The following PWWP2A variants were observed in gnomAD, a reference collection of about 807,000 sequenced individuals.
PWWP2A encodes the protein PWWP domain-containing protein 2A.
PWWP2A carries 18 observed loss-of-function variants against 48.5 expected under a neutral mutation model. The observed-to-expected ratio is 0.37, with a 90% CI of 0.26 to 0.55. The LOEUF (loss-of-function observed/expected upper bound fraction) is 0.55. PWWP2A is among the 20% of genes least tolerant of loss of function. PWWP2A has a pLI of 0.81. For synonymous variants in PWWP2A, 396 were observed against 387.7 expected (o/e 1.02, Z -0.25); for missense variants, 867 against 976.4 (o/e 0.89, Z 1.49).
intron 2 of PWWP2A, among the ~76,000 whole-genome samples, chr5:160,069,334 G>C (rs1017222991): frequency 4.6e-5 from 7 of 152,154 alleles, no homozygotes; most frequent in African/African-American, 1.7e-4. Flanking sequence ...AAAGAATGCA[G>C]TGGGAGACAG....
the PWWP2A span, among the ~76,000 whole-genome samples, chr5:160,049,859 C>T: frequency 6.6e-6 from 1 of 152,022 alleles, no homozygotes. Flanking sequence ...GGAGAGATCA[C>T]TTGAGGCCAG....
At chr5:160,058,622 AG>A (rs1757612392), downstream of PWWP2A, among the ~76,000 whole-genome samples, 1 of 151,946 alleles carries the variant, frequency 6.6e-6, no homozygotes, top group Non-Finnish European at 1.5e-5. Context: ...CGTGGTAGCC[AG>A]GATGGTCTTG....
intron 1 of PWWP2A, among the ~76,000 whole-genome samples, chr5:160,117,651 C>T (rs1294571694): frequency 6.8e-6 from 1 of 147,498 alleles, no homozygotes; most frequent in Admixed American, 6.8e-5. Flanking sequence ...AGTGAGACTC[C>T]GTCTCAAAAA....
In PWWP2A at chr5:160,066,317, A is replaced by AG. The variant is rs951453189; in HGVS notation, c.*236+230dup. ...TCTCATTTTTTTTTTTTTTTTTTTG[A>AG]GGGGGGTCTCGCTCTGTCACCCAGG... On this transcript the variant is annotated intron_variant and NMD_transcript_variant, in intron 4 of 5. Transcript: ENST00000524050. Among the ~76,000 whole-genome samples the AG allele has an allele frequency of 4.0e-4, 14 of 34,706 alleles. No homozygotes were observed. In the South Asian group the frequency reaches 5.3e-3, roughly 13 times the overall value. The allele number at this position is 34,706 out of a possible 152,430, so 22.8% of individuals were successfully genotyped here. A position where few individuals can be genotyped will look rare whatever the true frequency, so the allele number is the denominator to read the frequency against.
chr5:160,067,406 G>C (rs1358996190), intron 2 of PWWP2A, among the ~76,000 whole-genome samples: 3 of 152,144 alleles, frequency 2.0e-5, no homozygotes, highest in Non-Finnish European at 4.4e-5. Context: ...ATCGTGCCTT[G>C]AGCTCAATGG....
intron 2 of PWWP2A, among the ~76,000 whole-genome samples, chr5:160,070,127 T>C (rs1370282271): frequency 1.3e-5 from 2 of 152,202 alleles, no homozygotes; most frequent in African/African-American, 2.4e-5. Context: ...ATTTTACTCA[T>C]GGATCCATGC....
rs748162896 is a variant in PWWP2A, at chr5:160,092,976, C to G, written c.1674G>C (p.Lys558Asn). 1.9e-6 allele frequency: 3 copies of G among 1,558,472 alleles called. No homozygotes were observed. In the African/African-American group the frequency reaches 4.1e-5, roughly 21 times the overall value. ...DQDEPQTLGKKGSKNNISVYM... is the reference protein window; with the variant it reads ...DQDEPQTLGKNGSKNNISVYM... ...AAACAGAGATATTGTTTTTGCTGCC[C>G]TTTTTGCCCAATGTCTGTGGTTCAT... The change falls in exon 2 of 2, where the codon AAG becomes AAC. Residue 558 changes from lysine to asparagine, a missense_variant. By Grantham distance (94) the Lys-to-Asn change is moderately conservative. Coordinates refer to ENST00000307063, the MANE Select transcript of PWWP2A (RefSeq NM_001130864.2).
intron 4 of PWWP2A, chr5:160,066,486 C>G (rs1240366423): frequency 6.6e-6 from 1 of 151,606 alleles, no homozygotes; most frequent in African/African-American, 2.4e-5. Context: ...TTAGTAGAGA[C>G]AGAGTTTCAC....
At chr5:160,064,833 C>A (rs1171660550) in intron 4 of PWWP2A, 1 of 1,306,158 alleles carries the variant, frequency 7.7e-7, no homozygotes, top group Non-Finnish European at 1.1e-6. Flanking sequence ...CAAAGAGATA[C>A]TTTTATATTT....
At chr5:160,105,390 T>G (rs1756776654) in intron 1 of PWWP2A, among the ~76,000 whole-genome samples, 1 of 150,904 alleles carries the variant, frequency 6.6e-6, no homozygotes, top group East Asian at 2.0e-4. Context: ...TATAAAAAAT[T>G]AGCCGGGCAC....
chr5:160,054,490 C>T, the PWWP2A span, among the ~76,000 whole-genome samples: 1 of 152,108 alleles, frequency 6.6e-6, no homozygotes, highest in East Asian at 1.9e-4. Flanking sequence ...TAGCACAAGA[C>T]TGTGGTCCCA....
chr5:160,106,900 C>T lies in PWWP2A; in HGVS notation c.584+11905G>A, dbSNP rs1328033445. 4.7e-5 allele frequency among the ~76,000 whole-genome samples: 7 copies of T among 148,896 alleles called. No homozygotes were observed. In the Middle Eastern group the frequency reaches 0.011, roughly 226 times the overall value. ...AGTGCAGTGGGGAGATCTCAGCTCACGCAACCTTCACCTCCCAGGCTCAAG... is the reference window on the plus strand; with the variant it reads ...AGTGCAGTGGGGAGATCTCAGCTCATGCAACCTTCACCTCCCAGGCTCAAG... On this transcript the variant is annotated intron_variant, in intron 1 of 1. Transcript: ENST00000307063.
At chr5:160,050,977 G>GTT in the PWWP2A span, 19,917 of 439,298 alleles carry the variant, frequency 0.045, no homozygotes, top group South Asian at 0.062. Context: ...AATACTTGGG[G>GTT]TTTTTTTTTT....
downstream of PWWP2A, among the ~76,000 whole-genome samples, chr5:160,075,130 T>C (rs1753837487): frequency 6.6e-6 from 1 of 152,206 alleles, no homozygotes; most frequent in Non-Finnish European, 1.5e-5. Context: ...ATGAGTCTCC[T>C]GTAGGCCCTC....
downstream of PWWP2A, among the ~76,000 whole-genome samples, chr5:160,071,671 T>A (rs1156497603): frequency 2.0e-5 from 3 of 152,132 alleles, no homozygotes; most frequent in East Asian, 5.8e-4. Flanking sequence ...CCTCTGCTTG[T>A]TATCTGTGCT....
Position 160,118,859 on chromosome 5 carries a change from G to T in PWWP2A, c.530C>A (p.Ser177Ter). ...GAAGAGCTTCTCCCCGAAGCGGAAC[G>T]ACACGACAAGCGCGTCCTCAATGAT... ...DHIIEDALVV[S>*]FRFGEKLFSG... is the part of the protein sequence containing the mutation. Residue 177 changes from serine (S) to a stop codon, truncating the protein, a stop_gained, in exon 1 of 2, where the codon TCG (serine) becomes TAG (stop). Coordinates refer to ENST00000307063, the MANE Select transcript of PWWP2A (RefSeq NM_001130864.2). LOFTEE classifies it high-confidence loss of function. The T allele has an allele frequency of 6.3e-7, 1 of 1,591,388 alleles. No homozygotes were observed. The highest frequency in any genetic ancestry group is 1.1e-5 in the South Asian group (1 of 88,522).
At chr5:160,103,179 A>G (rs946106815) in intron 1 of PWWP2A, among the ~76,000 whole-genome samples, 5 of 152,232 alleles carry the variant, frequency 3.3e-5, no homozygotes, top group African/African-American at 9.6e-5. Flanking sequence ...GTGACTCTAG[A>G]AAGAGTTTCC....
chr5:160,083,987 T>G (rs1034855930), intron 2 of PWWP2A, among the ~76,000 whole-genome samples: 1 of 152,234 alleles, frequency 6.6e-6, no homozygotes, highest in African/African-American at 2.4e-5. Flanking sequence ...CAGAGACTTG[T>G]GAATAATCAT....
At chr5:160,105,161 C>T (rs974802129) in intron 1 of PWWP2A, among the ~76,000 whole-genome samples, 2 of 146,778 alleles carry the variant, frequency 1.4e-5, no homozygotes, top group African/African-American at 2.5e-5. Context: ...TCACTTGAGA[C>T]CAGGAGTTCA....
Sources: allele counts gnomAD v4.1 joint callset (sites outside exome capture counted in the v4.1 genomes callset), GRCh38; gene constraint gnomAD v4.1.1; transcripts MANE v1.5; gene names NCBI Gene and HGNC (gene_info 2026-07-23, HGNC 2026-07-21).